SOX5: variants seen among roughly 807,000 people sequenced by gnomAD.
SOX5 encodes the protein SRY-box transcription factor 5.
Under a neutral mutation model 92.0 loss-of-function variants are expected in SOX5, and 9 were observed. That is an observed-to-expected ratio of 0.10 (90% confidence interval 0.06 to 0.17). The LOEUF (loss-of-function observed/expected upper bound fraction) is 0.17. SOX5 is among the 10% of genes least tolerant of loss of function. The pLI is 1.00. For missense variants in SOX5, 642 were observed against 944.5 expected, an observed-to-expected ratio of 0.68 and a Z score of 4.20; for synonymous variants, 344 against 336.3, an observed-to-expected ratio of 1.02 and a Z score of -0.25.
chr12:24,532,917 C>T (rs2138675086), intron 1 of SOX5, among the ~76,000 whole-genome samples: 1 of 152,316 alleles, frequency 6.6e-6, no homozygotes. Context: ...TACATGACTT[C>T]TAACTACTGG....
At position 24,493,860 on chromosome 12, in the gene SOX5, T is replaced by A. The variant is rs561807747; in HGVS notation, c.-251+68469A>T. ...GCCTGGGTGACAGAGCAAGACTCCA[T>A]CTCAAAAAAAAAAAAAATAGTTTGT... is the stretch of plus-strand genomic sequence containing the variant. On this transcript the variant is annotated intron_variant, in intron 1 of 4. Transcript: ENST00000446891. Among the ~76,000 whole-genome samples, 23 of 117,428 alleles carry A rather than the reference T, an allele frequency of 2.0e-4. No homozygotes were observed. The South Asian group carries it at 5.8e-3, about 29-fold the overall frequency. The allele number at this position is 117,428 out of a possible 152,430, so 77.0% of individuals were successfully genotyped here.
chr12:23,947,412 A>T (rs1944765541), intron 1 of SOX5, among the ~76,000 whole-genome samples: 1 of 151,918 alleles, frequency 6.6e-6, no homozygotes. Flanking sequence ...TTTGAAGAAT[A>T]TAAATATTCA....
At chr12:23,553,821 T>G (rs1944654194) in intron 11 of SOX5, among the ~76,000 whole-genome samples, 1 of 152,124 alleles carries the variant, frequency 6.6e-6, no homozygotes, top group South Asian at 2.1e-4. Context: ...CTATAAACAA[T>G]GGGTAACTCA....
intron 2 of SOX5, among the ~76,000 whole-genome samples, chr12:24,293,881 C>T (rs1030333351): frequency 2.6e-5 from 4 of 152,040 alleles, no homozygotes; most frequent in African/African-American, 4.8e-5. Flanking sequence ...AAGTATCAAA[C>T]CTAGTTTATA....
chr12:24,392,838 CTT>C (rs1285963675), intron 1 of SOX5, among the ~76,000 whole-genome samples: 2 of 151,990 alleles, frequency 1.3e-5, no homozygotes, highest in Non-Finnish European at 2.9e-5. Context: ...AAGACTATAA[CTT>C]ATAATAATAC....
At chr12:24,175,984 G>A (rs1593942748) in intron 4 of SOX5, among the ~76,000 whole-genome samples, 1 of 130,746 alleles carries the variant, frequency 7.6e-6, no homozygotes, top group East Asian at 2.0e-4. Flanking sequence ...GGCCCATCAA[G>A]ATCCATTAAA....
At chr12:23,828,259 A>G (rs994781984) in intron 3 of SOX5, among the ~76,000 whole-genome samples, 5 of 152,248 alleles carry the variant, frequency 3.3e-5, no homozygotes, top group African/African-American at 9.6e-5. Flanking sequence ...GCACAAGGGC[A>G]AAATCACCTA....
At chr12:23,709,262 C>T (rs1230246004) in intron 6 of SOX5, among the ~76,000 whole-genome samples, 2 of 151,964 alleles carry the variant, frequency 1.3e-5, no homozygotes, top group African/African-American at 4.8e-5. Flanking sequence ...CCATCATCCC[C>T]AGCTAATATT....
chr12:23,954,349 T>C (rs973081535), upstream of SOX5, among the ~76,000 whole-genome samples: 1 of 152,084 alleles, frequency 6.6e-6, no homozygotes, highest in East Asian at 1.9e-4. Context: ...TAACATTTTA[T>C]TGCCTTAAGG....
chr12:24,376,124 A>G (rs749271176), intron 1 of SOX5, among the ~76,000 whole-genome samples: 10 of 152,190 alleles, frequency 6.6e-5, no homozygotes, highest in Non-Finnish European at 1.0e-4. Context: ...AAAATCTAAA[A>G]CTGTCATAAA....
At chr12:24,296,958 C>A (rs1370766857) in intron 2 of SOX5, among the ~76,000 whole-genome samples, 2 of 136,434 alleles carry the variant, frequency 1.5e-5, no homozygotes, top group South Asian at 4.9e-4. Flanking sequence ...CACACACACA[C>A]ACAAACACAG....
At chr12:24,472,161 A>G (rs1337981595) in intron 1 of SOX5, among the ~76,000 whole-genome samples, 1 of 152,234 alleles carries the variant, frequency 6.6e-6, no homozygotes, top group African/African-American at 2.4e-5. Flanking sequence ...CACAAGAAAG[A>G]TCAGACAAAT....
intron 4 of SOX5, among the ~76,000 whole-genome samples, chr12:23,991,768 T>C (rs1021520914): frequency 4.0e-4 from 61 of 151,742 alleles, no homozygotes; most frequent in African/African-American, 1.4e-3. Context: ...TTTTTTACTT[T>C]ATACATAATT....
At chr12:24,491,366 T>G (rs1273930535) in intron 1 of SOX5, among the ~76,000 whole-genome samples, 1 of 152,132 alleles carries the variant, frequency 6.6e-6, no homozygotes, top group Non-Finnish European at 1.5e-5. Flanking sequence ...CCAGGGTATT[T>G]TAACCTCTTT....
chr12:23,651,406 A>G (rs2081545225), intron 7 of SOX5, among the ~76,000 whole-genome samples: 2 of 152,028 alleles, frequency 1.3e-5, no homozygotes, highest in Admixed American at 6.6e-5. Context: ...GAACACACAG[A>G]CTACTTTTAA....
intron 4 of SOX5, among the ~76,000 whole-genome samples, chr12:24,165,988 G>A (rs1363468518): frequency 1.3e-5 from 2 of 152,086 alleles, no homozygotes; most frequent in East Asian, 1.9e-4. Context: ...TAGAAGCAGC[G>A]ATATGTTTAA....
chr12:23,867,881 T>C (rs1182942568), intron 2 of SOX5, among the ~76,000 whole-genome samples: 1 of 151,878 alleles, frequency 6.6e-6, no homozygotes, highest in Non-Finnish European at 1.5e-5. Context: ...AATTATTACC[T>C]TTATTGCTAA....
At chr12:23,708,143 T>G (rs7131911) in intron 6 of SOX5, among the ~76,000 whole-genome samples, 1,990 of 151,430 alleles carry the variant, frequency 0.013, 42 homozygotes, top group African/African-American at 0.045. Context: ...ACTATAGAGG[T>G]TCAGAAGAAT....
rs35914700 is a variant in SOX5, at chr12:24,077,772, CATATATATATAT to C, written c.-2+135559_-2+135570del. Among the ~76,000 whole-genome samples, 125 of 116,920 alleles carry C rather than the reference CATATATATATAT, an allele frequency of 1.1e-3. 1 individual carries two copies. The highest frequency in any genetic ancestry group is 7.2e-3 in the East Asian group (30 of 4,150). 76.7% of individuals were successfully genotyped at this position (116,920 alleles called of 152,430 possible). A position where few individuals can be genotyped will look rare whatever the true frequency, so the allele number is the denominator to read the frequency against. ...GGTACTTCTCTTCGAAAGGTATTTTCATATATATATATATATATATATATATATATATATGCA... is the reference window on the plus strand; with the variant it reads ...GGTACTTCTCTTCGAAAGGTATTTTCATATATATATATATATATATATGCA... On this transcript the variant is annotated intron_variant, in intron 4 of 4. Coordinates refer to the SOX5 transcript ENST00000446891.
Sources: gnomAD v4.1 joint callset for allele counts (sites outside exome capture counted in the v4.1 genomes callset) on GRCh38, gnomAD v4.1.1 for gene constraint, MANE v1.5 for transcripts, NCBI Gene and HGNC (gene_info 2026-07-23, HGNC 2026-07-21) for gene names.